Variants in ARID1B observed in about 807,000 individuals in gnomAD.
ARID1B encodes AT-rich interaction domain 1B.
Under a neutral mutation model 212.3 loss-of-function variants are expected in ARID1B, and 30 were observed. The observed-to-expected ratio is 0.14, with a 90% confidence interval of 0.11 to 0.19. The LOEUF (loss-of-function observed/expected upper bound fraction) is 0.19, where lower values mean the gene tolerates loss of function less well. Among genes scored for constraint, ARID1B ranks in the 10% least tolerant of loss-of-function variants. The pLI is 1.00. For synonymous variants in ARID1B, 1,402 were observed against 1,301.7 expected, an observed-to-expected ratio of 1.08 and a Z score of -1.66; for missense variants, 2,891 against 3,204.0, an observed-to-expected ratio of 0.90 and a Z score of 2.36.
chr6:157,130,845 G>C (rs979960221), intron 6 of ARID1B, among the ~76,000 whole-genome samples: 1 of 152,186 alleles, frequency 6.6e-6, no homozygotes, highest in African/African-American at 2.4e-5. Flanking sequence ...TCCAGCTAGA[G>C]CCTTCACCTG....
intron 6 of ARID1B, among the ~76,000 whole-genome samples, chr6:157,118,282 TC>T: frequency 6.6e-6 from 1 of 152,348 alleles, no homozygotes; most frequent in Admixed American, 6.5e-5. Flanking sequence ...TGTTCTTCTT[TC>T]TATTGGATTC....
At chr6:156,812,465 T>C (rs1311101644) in intron 1 of ARID1B, among the ~76,000 whole-genome samples, 1 of 152,192 alleles carries the variant, frequency 6.6e-6, no homozygotes, top group Admixed American at 6.5e-5. Flanking sequence ...CTCTGTCCTA[T>C]AGTATTTATA....
chr6:156,974,244 G>A (rs773287411), intron 4 of ARID1B, among the ~76,000 whole-genome samples: 10 of 152,104 alleles, frequency 6.6e-5, no homozygotes, highest in Admixed American at 5.2e-4. Context: ...TTTAAAACAC[G>A]TAGATTATTT....
chr6:156,909,778 A>G (rs1789718205), intron 3 of ARID1B, among the ~76,000 whole-genome samples: 1 of 152,288 alleles, frequency 6.6e-6, no homozygotes, highest in African/African-American at 2.4e-5. Flanking sequence ...GAAGATAAAC[A>G]TTTTATTTGC....
intron 4 of ARID1B, chr6:156,937,829 A>G (rs1792375341): frequency 6.6e-6 from 1 of 152,152 alleles, no homozygotes; most frequent in South Asian, 2.1e-4. Flanking sequence ...CTACTTCCCA[A>G]AAGTATTTAA....
intron 4 of ARID1B, among the ~76,000 whole-genome samples, chr6:157,064,988 A>G (rs1243735413): frequency 6.6e-6 from 1 of 152,192 alleles, no homozygotes; most frequent in Non-Finnish European, 1.5e-5. Context: ...GGCTCAACCC[A>G]TTCTCTACTG....
chr6:157,030,565 G>T lies in ARID1B; in HGVS notation c.2248-54097G>T, dbSNP rs145390928. Among the ~76,000 whole-genome samples the T allele has an allele frequency of 1.4e-4, 21 of 152,262 alleles. No individual in the cohort carries two copies. The East Asian group carries it at 4.0e-3, about 29-fold the overall frequency. ...CCTCATTGCTTTGTAAATCCTCTGT[G>T]GAGGTATCCTCACTGAGTTAGAGAA... On this transcript the variant is annotated intron_variant, in intron 4 of 19. Coordinates refer to ENST00000636930, the MANE Select transcript of ARID1B (RefSeq NM_001374828.1).
chr6:156,794,321 C>T (rs1459331162), intron 1 of ARID1B, among the ~76,000 whole-genome samples: 1 of 151,860 alleles, frequency 6.6e-6, no homozygotes, highest in East Asian at 1.9e-4. Context: ...ATGATCATAG[C>T]TCACTGCAAC....
At position 157,019,916 on chromosome 6, in the gene ARID1B, C is replaced by G. The variant is rs192452993; in HGVS notation, c.2248-64746C>G. Among the ~76,000 whole-genome samples the G allele has an allele frequency of 2.6e-3, 393 of 152,346 alleles. 2 individuals are homozygous for G. The highest frequency in any genetic ancestry group is 8.8e-3 in the African/African-American group (366 of 41,572). On this transcript the variant is annotated intron_variant, in intron 4 of 19. Transcript: ENST00000636930. ...AAATCTGGGTGTATCTGGACGACTC[C>G]TGTCTTCCCCTTCATATGCAGCCAT...
intron 4 of ARID1B, among the ~76,000 whole-genome samples, chr6:157,082,040 A>G (rs1462987894): frequency 6.6e-6 from 1 of 151,990 alleles, no homozygotes; most frequent in African/African-American, 2.4e-5. Flanking sequence ...CAGGGCCTGG[A>G]TATGGAGGCT....
intron 4 of ARID1B, among the ~76,000 whole-genome samples, chr6:157,057,979 G>A (rs1783074181): frequency 6.6e-6 from 1 of 152,078 alleles, no homozygotes; most frequent in African/African-American, 2.4e-5. Context: ...TTTGAGTTTT[G>A]ATGAGTATTT....
intron 4 of ARID1B, among the ~76,000 whole-genome samples, chr6:156,972,264 A>G (rs1448287743): frequency 1.3e-5 from 2 of 152,172 alleles, no homozygotes; most frequent in Non-Finnish European, 2.9e-5. Context: ...GGAGTGGACA[A>G]TCAGAAATAA....
At chr6:157,133,689 G>A (rs1224285534) in intron 7 of ARID1B, among the ~76,000 whole-genome samples, 1 of 152,194 alleles carries the variant, frequency 6.6e-6, no homozygotes, top group Non-Finnish European at 1.5e-5. Flanking sequence ...CAGGTCAGCA[G>A]TAGTTCTCAC....
At chr6:156,923,674 C>CCACTGGATA (rs1286855924) in intron 3 of ARID1B, among the ~76,000 whole-genome samples, 1 of 151,808 alleles carries the variant, frequency 6.6e-6, no homozygotes, top group East Asian at 1.9e-4. Flanking sequence ...AGCATCATGG[C>CCACTGGATA]CACTGGATAA....
intron 1 of ARID1B, among the ~76,000 whole-genome samples, chr6:156,805,515 C>T (rs1781091641): frequency 6.6e-6 from 1 of 152,114 alleles, no homozygotes; most frequent in African/African-American, 2.4e-5. Flanking sequence ...TTACACTTCA[C>T]CAAGGAAGGG....
chr6:156,978,445 G>A (rs556748511), intron 4 of ARID1B, among the ~76,000 whole-genome samples: 1 of 152,340 alleles, frequency 6.6e-6, no homozygotes, highest in South Asian at 2.1e-4. Context: ...AATATTAGGA[G>A]AATAGAATCT....
At chr6:157,021,335 C>T (rs1398893587) in intron 4 of ARID1B, among the ~76,000 whole-genome samples, 1 of 152,252 alleles carries the variant, frequency 6.6e-6, no homozygotes, top group Non-Finnish European at 1.5e-5. Context: ...TCCACGGACC[C>T]CGGAATCCCC....
intron 5 of ARID1B, among the ~76,000 whole-genome samples, chr6:157,099,892 T>G (rs531786739): frequency 6.6e-6 from 1 of 152,342 alleles, no homozygotes; most frequent in East Asian, 1.9e-4. Context: ...GGAAGTATCC[T>G]TATTCCCTTC....
chr6:156,797,069 A>AT (rs1247987524), intron 1 of ARID1B, among the ~76,000 whole-genome samples: 1 of 152,144 alleles, frequency 6.6e-6, no homozygotes, highest in Non-Finnish European at 1.5e-5. Flanking sequence ...GCCAGATACC[A>AT]TGCCCCTTTG....
Sources: gnomAD v4.1 joint callset for allele counts (sites outside exome capture counted in the v4.1 genomes callset) on GRCh38, gnomAD v4.1.1 for gene constraint, MANE v1.5 for transcripts, NCBI Gene and HGNC (gene_info 2026-07-23, HGNC 2026-07-21) for gene names.